ARHGAP15: variants seen among roughly 807,000 people sequenced by gnomAD.
ARHGAP15 encodes rho GTPase-activating protein 15.
A neutral mutation model predicts 63.7 loss-of-function variants in ARHGAP15; 51 were observed. The observed-to-expected ratio is 0.80, with a 90% confidence interval of 0.64 to 1.01. ARHGAP15 has a LOEUF of 1.01. Among genes scored for constraint, ARHGAP15 ranks in the 50% least tolerant of loss-of-function variants. ARHGAP15 has a pLI of 0.00. For synonymous variants in ARHGAP15, 191 were observed against 193.8 expected (o/e 0.99, Z 0.12); for missense variants, 560 against 564.6 (o/e 0.99, Z 0.08).
chr2:143,480,741 A>C (rs1428241054), intron 8 of ARHGAP15: 3 of 152,184 alleles, frequency 2.0e-5, no homozygotes, highest in Admixed American at 2.0e-4. Context: ...CTTTCTGCCC[A>C]CTCTGACATA....
chr2:143,140,514 A>G (rs1240384936), intron 1 of ARHGAP15, among the ~76,000 whole-genome samples: 1 of 152,152 alleles, frequency 6.6e-6, no homozygotes, highest in Non-Finnish European at 1.5e-5. Context: ...TTTATTTTAA[A>G]TCTAAATTTT....
chr2:143,729,730 A>G (rs1435817330), intron 13 of ARHGAP15, among the ~76,000 whole-genome samples: 1 of 152,244 alleles, frequency 6.6e-6, no homozygotes, highest in Non-Finnish European at 1.5e-5. Context: ...GCTAAGATAG[A>G]TCACAGCAAA....
At chr2:143,761,569 G>C (rs1481527485) in intron 13 of ARHGAP15, among the ~76,000 whole-genome samples, 1 of 152,062 alleles carries the variant, frequency 6.6e-6, no homozygotes, top group Non-Finnish European at 1.5e-5. Flanking sequence ...TAAAGGCTTT[G>C]GTCTTCTTAA....
intron 13 of ARHGAP15, among the ~76,000 whole-genome samples, chr2:143,762,011 A>C (rs1354014572): frequency 6.6e-6 from 1 of 152,158 alleles, no homozygotes; most frequent in Non-Finnish European, 1.5e-5. Flanking sequence ...AAATTCATAA[A>C]ATCATATTTT....
rs553670613 is a variant in ARHGAP15 at position 143,643,999 on chromosome 2, G to C, written c.1138+19732G>C. On this transcript the variant is annotated intron_variant, in intron 12 of 13. Transcript: ENST00000295095. Reference sequence around the variant, plus strand: ...TCCGGACAGTTGTAGGGGCAAAAAAGTACAATACATTTTCCTTACCCATTT... The same window carrying C: ...TCCGGACAGTTGTAGGGGCAAAAAACTACAATACATTTTCCTTACCCATTT... 5.9e-5 allele frequency among the ~76,000 whole-genome samples: 9 copies of C among 152,122 alleles called. No individual in the cohort carries two copies. The East Asian group carries it at 1.7e-3, about 30-fold the overall frequency.
chr2:143,727,751 A>G (rs981535885), intron 13 of ARHGAP15, among the ~76,000 whole-genome samples: 7 of 152,194 alleles, frequency 4.6e-5, no homozygotes, highest in African/African-American at 1.4e-4. Flanking sequence ...TGGATTCAAT[A>G]AACTGTTATA....
intron 2 of ARHGAP15, among the ~76,000 whole-genome samples, chr2:143,200,688 C>A (rs1692078047): frequency 1.3e-5 from 2 of 151,978 alleles, no homozygotes; most frequent in South Asian, 4.1e-4. Context: ...AATTCTCTTT[C>A]TCTTTATGTT....
At chr2:143,548,105 G>A (rs6704689) in intron 10 of ARHGAP15, among the ~76,000 whole-genome samples, 124,503 of 152,094 alleles carry the variant, frequency 0.82, 51,061 homozygotes, top group South Asian at 0.85. Flanking sequence ...CAAATAAGAC[G>A]AGGTTTGTTA....
At chr2:143,521,825 A>G (rs190334946) in intron 10 of ARHGAP15, 1 of 152,288 alleles carries the variant, frequency 6.6e-6, no homozygotes, top group Admixed American at 6.5e-5. Flanking sequence ...CCTTTAAAAA[A>G]ACCTACAAAT....
intron 1 of ARHGAP15, among the ~76,000 whole-genome samples, chr2:143,146,029 T>A (rs1172901726): frequency 6.6e-6 from 1 of 151,762 alleles, no homozygotes; most frequent in East Asian, 1.9e-4. Context: ...ATGGGAATAG[T>A]CTTTGTTGCC....
intron 12 of ARHGAP15, among the ~76,000 whole-genome samples, chr2:143,696,967 A>G (rs920413092): frequency 6.6e-6 from 1 of 152,236 alleles, no homozygotes; most frequent in African/African-American, 2.4e-5. Flanking sequence ...TGTATTTGAC[A>G]TTGCCTTCCT....
At chr2:143,607,014 T>A (rs937320245) in intron 11 of ARHGAP15, 2 of 152,252 alleles carry the variant, frequency 1.3e-5, no homozygotes, top group Non-Finnish European at 2.9e-5. Flanking sequence ...CGTATCTACA[T>A]AAGCCATGAT....
chr2:143,621,667 G>C, intron 11 of ARHGAP15, among the ~76,000 whole-genome samples: 1 of 152,178 alleles, frequency 6.6e-6, no homozygotes, highest in East Asian at 1.9e-4. Flanking sequence ...TCTATAGTAG[G>C]AATCTTGGTT....
chr2:143,417,019 G>A (rs1456566667), intron 6 of ARHGAP15, among the ~76,000 whole-genome samples: 1 of 152,144 alleles, frequency 6.6e-6, no homozygotes, highest in Non-Finnish European at 1.5e-5. Flanking sequence ...AAGTCTCTGT[G>A]GTTGAGGTGC....
chr2:143,231,069 C>CTTT (rs914904536), intron 5 of ARHGAP15, among the ~76,000 whole-genome samples: 1 of 125,454 alleles, frequency 8.0e-6, no homozygotes. Context: ...GATGTAATTC[C>CTTT]TTTTTTTTTT....
intron 10 of ARHGAP15, among the ~76,000 whole-genome samples, chr2:143,532,590 C>A (rs1443179848): frequency 6.6e-6 from 1 of 152,104 alleles, no homozygotes; most frequent in Admixed American, 6.5e-5. Flanking sequence ...TGCTAGAAAT[C>A]AACTATTCTT....
chr2:143,255,503 G>A (rs1469144174), intron 6 of ARHGAP15, among the ~76,000 whole-genome samples: 1 of 151,892 alleles, frequency 6.6e-6, no homozygotes, highest in East Asian at 1.9e-4. Context: ...ATTCTCCATG[G>A]ATATGCATTA....
At chr2:143,656,924 CAA>C (rs1257929874) in intron 12 of ARHGAP15, among the ~76,000 whole-genome samples, 1 of 104,512 alleles carries the variant, frequency 9.6e-6, no homozygotes, top group Non-Finnish European at 2.1e-5. Flanking sequence ...GTTTCTAAGA[CAA>C]AGTTTCTGGT....
chr2:143,479,536 C>CT (rs1260469080), intron 8 of ARHGAP15, among the ~76,000 whole-genome samples: 10 of 151,876 alleles, frequency 6.6e-5, no homozygotes, highest in South Asian at 2.1e-4. Flanking sequence ...ATATTTTCTT[C>CT]TTTTTTTTAG....
Sources: allele counts gnomAD v4.1 joint callset (sites outside exome capture counted in the v4.1 genomes callset), GRCh38; gene constraint gnomAD v4.1.1; transcripts MANE v1.5; gene names NCBI Gene and HGNC (gene_info 2026-07-23, HGNC 2026-07-21).